Variants in ANKS1B observed in about 807,000 individuals in gnomAD.
The protein encoded by ANKS1B is ankyrin repeat and sterile alpha motif domain-containing protein 1B.
A neutral mutation model predicts 148.3 loss-of-function variants in ANKS1B; 36 were observed. The observed-to-expected ratio is 0.24, with a 90% confidence interval of 0.19 to 0.32. The LOEUF is 0.32. ANKS1B is among the 10% of genes least tolerant of loss of function. The pLI is 1.00. For missense variants in ANKS1B, 1,157 were observed against 1,542.6 expected (o/e 0.75, Z 4.19); for synonymous variants, 542 against 560.8 (o/e 0.97, Z 0.47).
intron 25 of ANKS1B, among the ~76,000 whole-genome samples, chr12:98,770,385 C>G (rs946645115): frequency 2.6e-5 from 4 of 152,170 alleles, no homozygotes; most frequent in African/African-American, 7.2e-5. Flanking sequence ...TATAAAGAAA[C>G]AATCAAATTT....
At chr12:99,029,779 T>G (rs1293213895) in intron 17 of ANKS1B, among the ~76,000 whole-genome samples, 2 of 152,232 alleles carry the variant, frequency 1.3e-5, no homozygotes, top group Non-Finnish European at 2.9e-5. Context: ...GGGGTCTCTA[T>G]GGAAAGAGAT....
chr12:99,240,113 A>G (rs1426384732), intron 14 of ANKS1B, among the ~76,000 whole-genome samples: 2 of 152,222 alleles, frequency 1.3e-5, no homozygotes. Flanking sequence ...AAAGACACAG[A>G]CTGGAAAATT....
At chr12:98,809,786 T>C (rs1285646217) in intron 19 of ANKS1B, among the ~76,000 whole-genome samples, 1 of 152,072 alleles carries the variant, frequency 6.6e-6, no homozygotes. Flanking sequence ...AGAAAAACCT[T>C]AAAATTGAGT....
chr12:99,484,613 T>A (rs757200791), intron 10 of ANKS1B, among the ~76,000 whole-genome samples: 1 of 151,940 alleles, frequency 6.6e-6, no homozygotes, highest in Non-Finnish European at 1.5e-5. Flanking sequence ...ACTATTGTTA[T>A]GTTGCTATCT....
chr12:99,231,025 C>G (rs375036673), intron 14 of ANKS1B, among the ~76,000 whole-genome samples: 1 of 152,194 alleles, frequency 6.6e-6, no homozygotes, highest in African/African-American at 2.4e-5. Context: ...CAAAGCGTTT[C>G]AGAGAAGCTT....
chr12:99,622,554 AC>A (rs1598312664), intron 9 of ANKS1B, among the ~76,000 whole-genome samples: 2 of 152,162 alleles, frequency 1.3e-5, no homozygotes, highest in East Asian at 3.9e-4. Context: ...AAGGTGACAT[AC>A]AACTGATCCC....
chr12:98,830,253 CT>C (rs960364499), intron 18 of ANKS1B, among the ~76,000 whole-genome samples: 67 of 149,714 alleles, frequency 4.5e-4, no homozygotes, highest in Non-Finnish European at 1.3e-4. Flanking sequence ...AAACAAAAAT[CT>C]TTTTTTTTTC....
At chr12:99,380,581 C>T (rs1053473695) in intron 12 of ANKS1B, among the ~76,000 whole-genome samples, 33 of 151,982 alleles carry the variant, frequency 2.2e-4, no homozygotes, top group Admixed American at 4.6e-4. Context: ...ATGGGAACCA[C>T]GGATTTTTGC....
At chr12:99,200,445 A>G (rs995631251) in intron 14 of ANKS1B, among the ~76,000 whole-genome samples, 4 of 152,238 alleles carry the variant, frequency 2.6e-5, no homozygotes, top group Non-Finnish European at 5.9e-5. Flanking sequence ...TAGTAGAACT[A>G]TGTAGCAGAT....
intron 17 of ANKS1B, among the ~76,000 whole-genome samples, chr12:98,845,595 C>G (rs1402234304): frequency 6.6e-6 from 1 of 152,094 alleles, no homozygotes; most frequent in Non-Finnish European, 1.5e-5. Context: ...GATTTTTATT[C>G]TCTCATTCAC....
intron 16 of ANKS1B, among the ~76,000 whole-genome samples, chr12:99,061,199 T>C (rs542625286): frequency 6.6e-6 from 1 of 152,322 alleles, no homozygotes; most frequent in South Asian, 2.1e-4. Flanking sequence ...GCCTGTGGAA[T>C]GCTAATGAAA....
intron 17 of ANKS1B, among the ~76,000 whole-genome samples, chr12:98,847,542 A>T (rs201369): frequency 6.6e-6 from 1 of 152,074 alleles, no homozygotes; most frequent in Non-Finnish European, 1.5e-5. Flanking sequence ...GTCTTAGGAC[A>T]TTGTGACTAA....
chr12:99,632,523 C>A (rs1202139127), intron 9 of ANKS1B, among the ~76,000 whole-genome samples: 1 of 151,580 alleles, frequency 6.6e-6, no homozygotes, highest in Non-Finnish European at 1.5e-5. Context: ...AGAGCTGAAG[C>A]ATGAGCTAAG....
chr12:99,636,032 A>G (rs572458250), intron 9 of ANKS1B, among the ~76,000 whole-genome samples: 93 of 152,146 alleles, frequency 6.1e-4, no homozygotes, highest in African/African-American at 2.2e-3. Flanking sequence ...CACAGATAGA[A>G]CACTTCATAA....
intron 17 of ANKS1B, among the ~76,000 whole-genome samples, chr12:98,924,717 C>T (rs1213164063): frequency 1.3e-5 from 2 of 152,174 alleles, no homozygotes; most frequent in African/African-American, 2.4e-5. Context: ...TTCCTTCTGT[C>T]AGAAAGCCTT....
intron 17 of ANKS1B, among the ~76,000 whole-genome samples, chr12:99,048,312 G>A (rs992972391): frequency 1.3e-5 from 2 of 152,196 alleles, no homozygotes; most frequent in African/African-American, 4.8e-5. Context: ...GATCATAAAT[G>A]GCTATAATTA....
At chr12:99,248,796 C>T (rs1178952717) in intron 12 of ANKS1B, among the ~76,000 whole-genome samples, 2 of 152,126 alleles carry the variant, frequency 1.3e-5, no homozygotes, top group African/African-American at 2.4e-5. Flanking sequence ...CATCCATTGG[C>T]CTTGCAAATA....
In ANKS1B at chr12:98,891,774, T is replaced by C. The variant is rs116644914; in HGVS notation, c.2779-59638A>G. Among the ~76,000 whole-genome samples the C allele has an allele frequency of 4.6e-3, 699 of 152,310 alleles. 9 individuals carry two copies. Among genetic ancestry groups the C allele is most frequent in the African/African-American group, 0.016 (684 of 41,562 alleles). ...CATACTTTTTTTCAGTTTATTGATA[T>C]ATACTGCTATTAAATTAAATAGCAA... is the stretch of plus-strand genomic sequence containing the variant. On this transcript the variant is annotated intron_variant, in intron 17 of 26. Coordinates refer to ENST00000683438, the MANE Select transcript of ANKS1B (RefSeq NM_001352186.2).
At chr12:99,651,496 C>T (rs1050328714) in intron 9 of ANKS1B, among the ~76,000 whole-genome samples, 2 of 152,150 alleles carry the variant, frequency 1.3e-5, no homozygotes, top group Non-Finnish European at 2.9e-5. Context: ...TATTCAAGGA[C>T]TGTCAGCATG....
Sources: allele counts gnomAD v4.1 joint callset (sites outside exome capture counted in the v4.1 genomes callset), GRCh38; gene constraint gnomAD v4.1.1; transcripts MANE v1.5; gene names NCBI Gene and HGNC (gene_info 2026-07-23, HGNC 2026-07-21).